MMRN1: variants seen among roughly 807,000 people sequenced by gnomAD.
The protein encoded by MMRN1 is multimerin 1, also known as multimerin-1.
A neutral mutation model predicts 100.7 loss-of-function variants in MMRN1; 94 were observed. The ratio of observed to expected loss-of-function variants is 0.93; its 90% confidence interval spans 0.79 to 1.11. The LOEUF (loss-of-function observed/expected upper bound fraction) is 1.11. MMRN1 is among the 50% of genes least tolerant of loss of function. The pLI is 0.00. For missense variants in MMRN1, 1,606 were observed against 1,439.1 expected (o/e 1.12, Z -1.88); for synonymous variants, 575 against 505.0 (o/e 1.14, Z -1.86).
intron 1 of MMRN1, among the ~76,000 whole-genome samples, chr4:89,900,608 C>G (rs1379100962): frequency 6.6e-6 from 1 of 151,960 alleles, no homozygotes; most frequent in Non-Finnish European, 1.5e-5. Context: ...CGCAATACAT[C>G]CCATGAAAAC....
chr4:89,895,401 A>C lies in MMRN1; in HGVS notation c.430A>C (p.Ser144Arg), dbSNP rs146666945. ...LSNSTLKFLQ[S>R]FARKSNEQAT... ...CAATTCTACACTGAAATTTCTTCAG[A>C]GCTTTGCCAGAAAGTCAAATGAACA... Residue 144 changes from serine (S) to arginine (R), a missense_variant, in exon 1 of 8, where the codon AGC (serine) becomes CGC (arginine). Transcript: ENST00000264790. The C allele has an allele frequency of 3.3e-5, 54 of 1,613,796 alleles. No individual in the cohort carries two copies. In the African/African-American group the frequency reaches 6.9e-4, roughly 21 times the overall value.
intron 5 of MMRN1, 29 bp from the exon 6 acceptor site, chr4:89,934,781 T>G (rs1038140): frequency 7.9e-7 from 1 of 1,271,284 alleles, no homozygotes; most frequent in Admixed American, 2.7e-5. Flanking sequence ...TAATTAAAAC[T>G]ATGTATTATT....
At chr4:89,924,099 A>G (rs1160750279) in intron 4 of MMRN1, among the ~76,000 whole-genome samples, 1 of 152,206 alleles carries the variant, frequency 6.6e-6, no homozygotes, top group African/African-American at 2.4e-5. Flanking sequence ...GAGTCTCTTT[A>G]TCTTTGATTA....
chr4:89,892,641 T>C (rs1440549205), upstream of MMRN1, among the ~76,000 whole-genome samples: 1 of 151,928 alleles, frequency 6.6e-6, no homozygotes, highest in Non-Finnish European at 1.5e-5. Context: ...AATAGTGAGA[T>C]ACAGAACCTT....
At chr4:89,923,104 G>A (rs1722141425) in intron 3 of MMRN1, 64 bp from the exon 4 acceptor site, 1 of 1,292,626 alleles carries the variant, frequency 7.7e-7, no homozygotes, top group Non-Finnish European at 1.1e-6. Context: ...TATTGTTCAG[G>A]ACTGGAAAAA....
upstream of MMRN1, among the ~76,000 whole-genome samples, chr4:89,890,623 T>C (rs185153116): frequency 1.3e-3 from 193 of 152,302 alleles, no homozygotes; most frequent in African/African-American, 4.5e-3. Flanking sequence ...AATCACTTGA[T>C]AACCAGATAC....
chr4:89,935,702 A>C lies in MMRN1; in HGVS notation c.2022A>C (p.Ile674=). 1 of 1,612,378 alleles carries C rather than the reference A, an allele frequency of 6.2e-7. No individual in the cohort carries two copies. The highest frequency in any genetic ancestry group is 8.5e-7 in the Non-Finnish European group (1 of 1,179,498). Residue 674 remains isoleucine (I), a synonymous_variant, in exon 6 of 8, where the codon ATA becomes ATC. Transcript: ENST00000264790. ...TYEQPKEAIV[I]RKKIENLTSA... ...AACAACCAAAGGAAGCAATAGTGAT[A>C]AGGAAAAAGATAGAAAATCTGACTA...
At position 89,918,216 on chromosome 4, in the gene MMRN1, C is replaced by A. The variant is rs576445716; in HGVS notation, c.851-4952C>A. ...GTTTCAAATGTATATTTATAGAATA[C>A]ATGAAATTTTTATATCTATACTATC... On this transcript the variant is annotated intron_variant, in intron 3 of 7. Coordinates refer to ENST00000264790, the MANE Select transcript of MMRN1 (RefSeq NM_007351.3). Among the ~76,000 whole-genome samples the A allele has an allele frequency of 5.9e-4, 89 of 150,954 alleles. 1 individual carries two copies. Among genetic ancestry groups the A allele is most frequent in the African/African-American group, 2.1e-3 (85 of 41,346 alleles).
chr4:89,891,867 A>G (rs954023716), upstream of MMRN1, among the ~76,000 whole-genome samples: 1 of 151,968 alleles, frequency 6.6e-6, no homozygotes, highest in Admixed American at 6.6e-5. Context: ...AAATCCTATT[A>G]ATCTGGTGGA....
At chr4:89,903,629 A>G (rs1721459965) in intron 1 of MMRN1, among the ~76,000 whole-genome samples, 1 of 151,846 alleles carries the variant, frequency 6.6e-6, no homozygotes, top group Non-Finnish European at 1.5e-5. Context: ...ATAGCAGCAA[A>G]TATTTTACTT....
chr4:89,954,005 CTAATTA>C lies in MMRN1; in HGVS notation c.*591_*596del, dbSNP rs1723267699. On this transcript the variant is annotated 3_prime_UTR_variant, in exon 8 of 8. Coordinates refer to ENST00000264790, the MANE Select transcript of MMRN1 (RefSeq NM_007351.3). Reference sequence around the variant, plus strand: ...ACTATTGTTCTCTTCCTATAATTCTCTAATTATAACATAGTAATTTACATGTAGTTG... The same window carrying C: ...ACTATTGTTCTCTTCCTATAATTCTCTAACATAGTAATTTACATGTAGTTG... The C allele has an allele frequency of 6.6e-6, 1 of 152,166 alleles. No individual in the cohort carries two copies. The allele number at this position is 152,166 out of a possible 1,614,324, so 9.4% of individuals were successfully genotyped here.
In MMRN1 at chr4:89,951,777, G is replaced by A. The variant is rs768168652; in HGVS notation, c.3265+26G>A. ...GTAAAAAAAAAGTATACGCATCTTTGGATTTGCTCATTGTCATAAATAGAA... is the reference window on the plus strand; with the variant it reads ...GTAAAAAAAAAGTATACGCATCTTTAGATTTGCTCATTGTCATAAATAGAA... On this transcript the variant is annotated intron_variant, in intron 7 of 7. Coordinates refer to ENST00000264790, the MANE Select transcript of MMRN1 (RefSeq NM_007351.3). 2.5e-6 allele frequency: 4 copies of A among 1,604,382 alleles called. No individual in the cohort carries two copies. The South Asian group carries it at 4.5e-5, about 18-fold the overall frequency.
At chr4:89,899,805 C>T (rs564120774) in intron 1 of MMRN1, among the ~76,000 whole-genome samples, 1 of 152,032 alleles carries the variant, frequency 6.6e-6, no homozygotes, top group East Asian at 2.0e-4. Flanking sequence ...ACCTCTAATA[C>T]ATCCCAAATA....
intron 1 of MMRN1, among the ~76,000 whole-genome samples, chr4:89,899,498 A>C (rs1721314383): frequency 6.6e-6 from 1 of 152,140 alleles, no homozygotes; most frequent in Non-Finnish European, 1.5e-5. Flanking sequence ...ACAGTGAATC[A>C]CAAATGCTGA....
chr4:89,944,090 T>C (rs1722915978), intron 6 of MMRN1, among the ~76,000 whole-genome samples: 1 of 152,314 alleles, frequency 6.6e-6, no homozygotes, highest in South Asian at 2.1e-4. Context: ...TACCATGTTA[T>C]TATGAAGCTA....
chr4:89,920,542 C>T (rs1303232528), intron 3 of MMRN1, among the ~76,000 whole-genome samples: 4 of 152,062 alleles, frequency 2.6e-5, no homozygotes, highest in South Asian at 4.2e-4. Context: ...ACTTCACTTA[C>T]TCTTTAAGGA....
chr4:89,890,536 A>T (rs1721033112), upstream of MMRN1, among the ~76,000 whole-genome samples: 1 of 151,918 alleles, frequency 6.6e-6, no homozygotes, highest in South Asian at 2.1e-4. Context: ...TAATGTCCAT[A>T]TTTTCAGATG....
rs1721689953 is a variant in MMRN1 at position 89,909,789 on chromosome 4, G to A, written c.743+394G>A. On this transcript the variant is annotated intron_variant, in intron 2 of 7. Coordinates refer to ENST00000264790, the MANE Select transcript of MMRN1 (RefSeq NM_007351.3). ...TTTTCTCTTCATGCTAGGTCAGAAA[G>A]AAGTTTATAACTTGGTTCATATTCT... Among the ~76,000 whole-genome samples, 3 of 151,428 alleles carry A rather than the reference G, an allele frequency of 2.0e-5. No individual in the cohort carries two copies. The South Asian group carries it at 6.2e-4, about 31-fold the overall frequency.
At chr4:89,892,034 T>G (rs1031506024), upstream of MMRN1, among the ~76,000 whole-genome samples, 2 of 150,782 alleles carry the variant, frequency 1.3e-5, no homozygotes, top group Non-Finnish European at 1.5e-5. Flanking sequence ...TCTTTTTTTG[T>G]TTTTTTTTCT....
Sources: allele counts gnomAD v4.1 joint callset (sites outside exome capture counted in the v4.1 genomes callset), GRCh38; gene constraint gnomAD v4.1.1; transcripts MANE v1.5; gene names NCBI Gene and HGNC (gene_info 2026-07-23, HGNC 2026-07-21).